Variants in RGL1 observed in about 807,000 individuals in gnomAD.
RGL1 encodes the protein ral guanine nucleotide dissociation stimulator like 1.
RGL1 carries 24 observed loss-of-function variants against 95.2 expected under a neutral mutation model. That is an observed-to-expected ratio of 0.25 (90% CI 0.18 to 0.35). The LOEUF (loss-of-function observed/expected upper bound fraction) is 0.35. Among genes scored for constraint, RGL1 ranks in the 10% least tolerant of loss-of-function variants. RGL1 has a pLI of 1.00. For synonymous variants in RGL1, 329 were observed against 344.9 expected, an observed-to-expected ratio of 0.95 and a Z score of 0.51; for missense variants, 715 against 936.3, an observed-to-expected ratio of 0.76 and a Z score of 3.08.
At chr1:183,906,553 G>A (rs893838804) in intron 13 of RGL1, among the ~76,000 whole-genome samples, 1 of 152,112 alleles carries the variant, frequency 6.6e-6, no homozygotes, top group South Asian at 2.1e-4. Flanking sequence ...GATTACAAAA[G>A]TCTCTTCATT....
chr1:183,836,066 G>T (rs993857012), intron 2 of RGL1, among the ~76,000 whole-genome samples: 1 of 152,172 alleles, frequency 6.6e-6, no homozygotes, highest in African/African-American at 2.4e-5. Context: ...GTTTCCTTAA[G>T]TGGGAATAAT....
chr1:183,883,740 T>G (rs759092484), intron 5 of RGL1, 46 bp from the exon 6 acceptor site: 338 of 1,608,724 alleles, frequency 2.1e-4, no homozygotes, highest in Non-Finnish European at 2.8e-4. Context: ...TAAGCAAGAT[T>G]ATATACACTG....
intron 1 of RGL1, among the ~76,000 whole-genome samples, chr1:183,650,270 G>T (rs559268665): frequency 6.9e-6 from 1 of 145,206 alleles, no homozygotes; most frequent in East Asian, 2.0e-4. Flanking sequence ...TCGGCCAGGC[G>T]TGGTGGCTCA....
chr1:183,690,123 T>C (rs1653853026), intron 1 of RGL1, among the ~76,000 whole-genome samples: 1 of 152,144 alleles, frequency 6.6e-6, no homozygotes, highest in South Asian at 2.1e-4. Flanking sequence ...GCTGATGAAG[T>C]GGCAAGCCTT....
At chr1:183,764,665 A>G (rs1002355455) in intron 2 of RGL1, among the ~76,000 whole-genome samples, 2 of 152,070 alleles carry the variant, frequency 1.3e-5, no homozygotes, top group Non-Finnish European at 2.9e-5. Flanking sequence ...ATGGTTGTCG[A>G]TCTTTCGGGC....
chr1:183,718,233 CAA>C (rs34825782), intron 1 of RGL1, among the ~76,000 whole-genome samples: 121 of 114,764 alleles, frequency 1.1e-3, no homozygotes, highest in East Asian at 3.1e-3. Flanking sequence ...GACTTGGTCT[CAA>C]AAAAAAAAAA....
intron 1 of RGL1, among the ~76,000 whole-genome samples, chr1:183,673,597 G>A (rs1289053325): frequency 6.6e-6 from 1 of 152,198 alleles, no homozygotes; most frequent in East Asian, 1.9e-4. Context: ...CTATGTTTAT[G>A]TCTTTTTCTG....
chr1:183,829,960 T>A (rs1663148327), intron 2 of RGL1, among the ~76,000 whole-genome samples: 1 of 152,168 alleles, frequency 6.6e-6, no homozygotes, highest in African/African-American at 2.4e-5. Context: ...AGACAGTTGT[T>A]AAATTATCTT....
chr1:183,656,113 C>CTTTTCTTTTCTT (rs149751789), intron 1 of RGL1, among the ~76,000 whole-genome samples: 3 of 144,972 alleles, frequency 2.1e-5, no homozygotes, highest in African/African-American at 7.6e-5. Context: ...CTTTTCTTTT[C>CTTTTCTTTTCTT]TTTTTTTTTT....
In RGL1 at chr1:183,735,623, A is replaced by G. The variant is rs557068197; in HGVS notation, c.-32-6503A>G. The stretch of plus-strand genomic sequence containing the variant: ...CTGCTGAGATTCCAAAGAGGAAGAG[A>G]TAATAGGAATCTGTTGCTCTCTTAC... On this transcript the variant is annotated intron_variant, in intron 1 of 18. Coordinates refer to the RGL1 transcript ENST00000304685. Among the ~76,000 whole-genome samples, 9 of 152,304 alleles carry G rather than the reference A, an allele frequency of 5.9e-5. No individual in the cohort carries two copies. In the East Asian group the frequency reaches 1.7e-3, roughly 29 times the overall value.
intron 2 of RGL1, among the ~76,000 whole-genome samples, chr1:183,795,099 G>A (rs1398765746): frequency 6.6e-6 from 1 of 152,068 alleles, no homozygotes; most frequent in Non-Finnish European, 1.5e-5. Context: ...GAATTCCTGG[G>A]CTCAAGTGAT....
chr1:183,871,402 C>A (rs1359508743), intron 4 of RGL1, among the ~76,000 whole-genome samples: 1 of 152,120 alleles, frequency 6.6e-6, no homozygotes, highest in Non-Finnish European at 1.5e-5. Flanking sequence ...GGTGGAAAAC[C>A]GACAGCAGGA....
At chr1:183,786,630 A>G (rs1341544151) in intron 2 of RGL1, among the ~76,000 whole-genome samples, 1 of 152,180 alleles carries the variant, frequency 6.6e-6, no homozygotes, top group Non-Finnish European at 1.5e-5. Flanking sequence ...AATCTCTACT[A>G]ATGAGTATGA....
chr1:183,871,495 G>A (rs1251267768), intron 4 of RGL1, among the ~76,000 whole-genome samples: 3 of 152,174 alleles, frequency 2.0e-5, no homozygotes, highest in Non-Finnish European at 4.4e-5. Flanking sequence ...AGGGGATGGG[G>A]ACAGGGACTC....
intron 2 of RGL1, chr1:183,742,407 G>A (rs1657368367): frequency 1.5e-5 from 17 of 1,142,164 alleles, no homozygotes; most frequent in Non-Finnish European, 2.2e-5. Context: ...TTCAGGGGCT[G>A]TAGGCACAGC....
At chr1:183,854,278 T>C (rs936212553) in intron 3 of RGL1, among the ~76,000 whole-genome samples, 2 of 152,182 alleles carry the variant, frequency 1.3e-5, no homozygotes, top group Admixed American at 6.5e-5. Context: ...GCTTTGTCTG[T>C]GTGTTTGGAG....
intron 14 of RGL1, among the ~76,000 whole-genome samples, chr1:183,911,487 C>T (rs570041142): frequency 6.6e-6 from 1 of 152,278 alleles, no homozygotes; most frequent in Admixed American, 6.5e-5. Context: ...AAGATTGGGG[C>T]CTCCCACTCC....
intron 4 of RGL1, among the ~76,000 whole-genome samples, chr1:183,866,302 T>G (rs954401882): frequency 1.3e-5 from 2 of 151,874 alleles, no homozygotes; most frequent in African/African-American, 2.4e-5. Flanking sequence ...AACAAACAAG[T>G]GAAGAAAACA....
In RGL1 at chr1:183,765,086, G is replaced by T. The variant is rs189603141; in HGVS notation, c.132+22797G>T. ...CCCCAAAAGAACTTGTGGTTCCTGG[G>T]CCTGCCAGGAAGGTGACTCTCTACT... On this transcript the variant is annotated intron_variant, in intron 2 of 18. Coordinates refer to the RGL1 transcript ENST00000304685. Among the ~76,000 whole-genome samples, 644 of 152,234 alleles carry T rather than the reference G, an allele frequency of 4.2e-3. 12 individuals carry two copies. Among genetic ancestry groups the T allele is most frequent in the Admixed American group, 0.037 (561 of 15,292 alleles).
Sources: allele counts gnomAD v4.1 joint callset (sites outside exome capture counted in the v4.1 genomes callset), GRCh38; gene constraint gnomAD v4.1.1; transcripts MANE v1.5; gene names NCBI Gene and HGNC (gene_info 2026-07-23, HGNC 2026-07-21).